TMEM218: variants seen among roughly 807,000 people sequenced by gnomAD.
TMEM218 encodes the protein transmembrane protein 218.
In TMEM218, 8 loss-of-function variants were observed where a neutral mutation model predicts 10.0. The observed-to-expected ratio is 0.80, with a 90% CI of 0.47 to 1.44. The LOEUF is 1.44. Ranked by LOEUF, TMEM218 falls within the 40% of genes most tolerant of loss-of-function variation. The probability of loss-of-function intolerance (pLI) is 0.00; values close to 1 mark genes in which losing one functional copy is unlikely to be tolerated. For synonymous variants in TMEM218, 66 were observed against 63.5 expected (o/e 1.04, Z -0.18); for missense variants, 110 against 140.1 (o/e 0.79, Z 1.08).
intron 4 of TMEM218, among the ~76,000 whole-genome samples, chr11:125,099,270 G>A (rs753084999): frequency 3.3e-5 from 5 of 152,160 alleles, no homozygotes; most frequent in Admixed American, 2.0e-4. Flanking sequence ...CCTTGGCTCC[G>A]GTACTGAACA....
Position 125,108,552 on chromosome 11 carries a change from A to G in TMEM218, c.-153+2987T>C, listed in dbSNP as rs78647679. The stretch of plus-strand genomic sequence containing the variant: ...CCATGAATGCAAAAGCTTCAAATGC[A>G]GACTATGCAGGTGTGTTGTTCTGGC... On this transcript the variant is annotated intron_variant, in intron 1 of 4. Coordinates refer to ENST00000682305, the MANE Select transcript of TMEM218 (RefSeq NM_001258244.2). The surrounding 1 kb of genome is among the most constrained non-coding windows in gnomAD (Gnocchi z 5.3). Among the ~76,000 whole-genome samples, 5,324 of 152,306 alleles carry G rather than the reference A, an allele frequency of 0.035. 312 individuals carry two copies. The highest frequency in any genetic ancestry group is 0.12 in the African/African-American group (4,836 of 41,550).
intron 1 of TMEM218, chr11:125,104,201 T>C (rs1268131202): frequency 1.3e-5 from 2 of 152,232 alleles, no homozygotes; most frequent in Non-Finnish European, 2.9e-5. Context: ...TGAGGGGAGA[T>C]GGGACCTGGG....
chr11:125,095,214 C>T lies in TMEM218; in HGVS notation c.*2392G>A, dbSNP rs1226595276. ...AACCCAGATTTACTCTCCCTCTCCA[C>T]CTTCTAAACAGTGGGGATCACCAGT... On this transcript the variant is annotated 3_prime_UTR_variant, in exon 5 of 5. Coordinates refer to ENST00000682305, the MANE Select transcript of TMEM218 (RefSeq NM_001258244.2). Among the ~76,000 whole-genome samples the T allele has an allele frequency of 6.6e-6, 1 of 152,216 alleles. No individual in the cohort carries two copies. Among genetic ancestry groups the T allele is most frequent in the Non-Finnish European group, 1.5e-5 (1 of 68,046 alleles).
intron 3 of TMEM218, 155 bp from the exon 4 acceptor site, chr11:125,101,458 G>A (rs1383823337): frequency 6.5e-6 from 10 of 1,530,380 alleles, no homozygotes; most frequent in Non-Finnish European, 8.7e-6. Context: ...TCATCCCAAA[G>A]TCCTTCTTCC....
chr11:125,095,568 T>C lies in TMEM218; in HGVS notation c.*2038A>G, dbSNP rs1210506906. Among the ~76,000 whole-genome samples, 1 of 152,126 alleles carries C rather than the reference T, an allele frequency of 6.6e-6. No individual in the cohort carries two copies. Among genetic ancestry groups the C allele is most frequent in the Non-Finnish European group, 1.5e-5 (1 of 68,028 alleles). The stretch of plus-strand genomic sequence containing the variant: ...TCATTCATTTCACCACAGCTGGTAA[T>C]TATAGACTCCAGGTCTGTAGACTGT... On this transcript the variant is annotated 3_prime_UTR_variant, in exon 5 of 5. Coordinates refer to ENST00000682305, the MANE Select transcript of TMEM218 (RefSeq NM_001258244.2).
At position 125,102,776 on chromosome 11, in the gene TMEM218, GA is replaced by G. The variant is rs1565427994; in HGVS notation, c.-120del. ...GACAGAAAGTTCCCACTCTGTTGTC[GA>G]GTTCTTATTCAAGAGGATGAAAACT... On this transcript the variant is annotated 5_prime_UTR_variant, in exon 2 of 5. Transcript: ENST00000682305. The G allele has an allele frequency of 1.6e-6, 2 of 1,213,358 alleles. No homozygotes were observed. The highest frequency in any genetic ancestry group is 3.2e-5 in the African/African-American group (2 of 62,812). 75.2% of individuals were successfully genotyped at this position (1,213,358 alleles called of 1,614,324 possible). A position where few individuals can be genotyped will look rare whatever the true frequency, so the allele number is the denominator to read the frequency against.
rs1951034882 is a variant in TMEM218 at position 125,102,473 on chromosome 11, C to A, written c.-76-156G>T. The A allele has an allele frequency of 3.4e-6, 5 of 1,477,152 alleles. No individual in the cohort carries two copies. In the South Asian group the frequency reaches 5.3e-5, roughly 16 times the overall value. 91.5% of individuals were successfully genotyped at this position (1,477,152 alleles called of 1,614,324 possible). A position where few individuals can be genotyped will look rare whatever the true frequency, so the allele number is the denominator to read the frequency against. ...CTTAATGGAAACTGGAAATTTAGAA[C>A]CCAAAGCCTTTCTCTTTGGTGGGGA... On this transcript the variant is annotated intron_variant, in intron 2 of 4. Coordinates refer to ENST00000682305, the MANE Select transcript of TMEM218 (RefSeq NM_001258244.2).
At chr11:125,101,484 T>A in intron 3 of TMEM218, 181 bp from the exon 4 acceptor site, 2 of 1,530,564 alleles carry the variant, frequency 1.3e-6, no homozygotes, top group Non-Finnish European at 1.7e-6. Flanking sequence ...AGGTACCAGC[T>A]GGGTGCATTC....
chr11:125,111,594 T>A lies in TMEM218; in HGVS notation c.-208A>T, dbSNP rs1397242238. The A allele has an allele frequency of 6.6e-6, 1 of 152,436 alleles. No homozygotes were observed. Among genetic ancestry groups the A allele is most frequent in the Non-Finnish European group, 1.5e-5 (1 of 68,232 alleles). The allele number at this position is 152,436 out of a possible 1,614,324, so 9.4% of individuals were successfully genotyped here. On this transcript the variant is annotated 5_prime_UTR_variant, in exon 1 of 5. Transcript: ENST00000682305. ...CCCAGGCTCTACTCACACCTCAGAT[T>A]CCGGCGCGTTCCAGCCCACGGGGCT... is the stretch of plus-strand genomic sequence containing the variant.
At chr11:125,102,495 G>C (rs1951044248) in intron 2 of TMEM218, 178 bp from the exon 3 acceptor site, 25 of 1,453,410 alleles carry the variant, frequency 1.7e-5, no homozygotes, top group Non-Finnish European at 2.2e-5. Flanking sequence ...CTCTTTGGTG[G>C]GGACTGAGAG....
intron 4 of TMEM218, among the ~76,000 whole-genome samples, chr11:125,099,651 C>CAT (rs1565419245): frequency 6.6e-6 from 1 of 152,120 alleles, no homozygotes; most frequent in African/African-American, 2.4e-5. Context: ...CAGCTGGGTG[C>CAT]GGTGGCTCAC....
intron 1 of TMEM218, chr11:125,110,506 T>A (rs1953557004): frequency 6.6e-6 from 1 of 152,180 alleles, no homozygotes; most frequent in South Asian, 2.1e-4. Flanking sequence ...CATCCAGCTG[T>A]CAGAGAAAAT....
intron 1 of TMEM218, chr11:125,110,604 T>C (rs1311406234): frequency 6.6e-6 from 1 of 152,202 alleles, no homozygotes; most frequent in East Asian, 1.9e-4. Context: ...TGAGCGAGAA[T>C]ACTAACTGCC....
At chr11:125,105,386 A>G (rs758449788) in intron 1 of TMEM218, among the ~76,000 whole-genome samples, 8 of 152,246 alleles carry the variant, frequency 5.3e-5, no homozygotes, top group Non-Finnish European at 1.0e-4. Context: ...TTTCAGACAT[A>G]CAAAGGGTGA....
chr11:125,105,185 TGAATCCCCACC>T, intron 1 of TMEM218: 3 of 152,222 alleles, frequency 2.0e-5, no homozygotes, highest in Non-Finnish European at 4.4e-5. Context: ...AAGAGAAATC[TGAATCCCCACC>T]TCACATCATA....
rs1173884902 is a variant in TMEM218 at position 125,097,715 on chromosome 11, C to CG, written c.238dup (p.Arg80ProfsTer9). On this transcript the variant is annotated frameshift_variant, in exon 5 of 5. Transcript: ENST00000682305. LOFTEE classifies it high-confidence loss of function. ...ACTAAGGAAAGCCAGCAGGACATAG[C>CG]GGCCAATGAAAAAGTCATCCACAAT... The CG allele has an allele frequency of 5.0e-6, 8 of 1,613,446 alleles. No homozygotes were observed. Among genetic ancestry groups the CG allele is most frequent in the Non-Finnish European group, 6.8e-6 (8 of 1,179,796 alleles).
chr11:125,110,277 G>T (rs1953477963), intron 1 of TMEM218, among the ~76,000 whole-genome samples: 1 of 152,166 alleles, frequency 6.6e-6, no homozygotes, highest in Non-Finnish European at 1.5e-5. Flanking sequence ...GATTTCAAGG[G>T]TAAGTCCATT....
chr11:125,097,750 GA>G lies in TMEM218; in HGVS notation c.214-11del. Reference sequence around the variant, plus strand: ...AAAAGTCATCCACAATCTGGAGAAAGAAAACATCAAAATGAAATTACTACCA... The same window carrying G: ...AAAAGTCATCCACAATCTGGAGAAAGAAACATCAAAATGAAATTACTACCA... On this transcript the variant is annotated splice_polypyrimidine_tract_variant and intron_variant, in intron 4 of 4. Coordinates refer to ENST00000682305, the MANE Select transcript of TMEM218 (RefSeq NM_001258244.2). 1.2e-6 allele frequency: 2 copies of G among 1,612,272 alleles called. No individual in the cohort carries two copies. Among genetic ancestry groups the G allele is most frequent in the Non-Finnish European group, 1.7e-6 (2 of 1,179,268 alleles).
At chr11:125,104,268 G>A (rs1951602024) in intron 1 of TMEM218, 1 of 152,236 alleles carries the variant, frequency 6.6e-6, no homozygotes, top group South Asian at 2.1e-4. Context: ...AGGGCCACAT[G>A]GGCGCCATCT....
Sources: gnomAD v4.1 joint callset for allele counts (sites outside exome capture counted in the v4.1 genomes callset) on GRCh38, gnomAD v4.1.1 for gene constraint, Gnocchi (gnomAD v3.1) non-coding constraint, MANE v1.5 for transcripts, NCBI Gene and HGNC (gene_info 2026-07-23, HGNC 2026-07-21) for gene names.